DMXL2: variants seen among roughly 807,000 people sequenced by gnomAD.
DMXL2 encodes the protein dmX-like protein 2.
In DMXL2, 103 loss-of-function variants were observed where a neutral mutation model predicts 331.1. The ratio of observed to expected loss-of-function variants is 0.31; its 90% CI spans 0.27 to 0.37. The LOEUF is 0.37. Among genes scored for constraint, DMXL2 ranks in the 10% least tolerant of loss-of-function variants. The probability of loss-of-function intolerance (pLI) is 1.00; values close to 1 mark genes in which losing one functional copy is unlikely to be tolerated. For synonymous variants in DMXL2, 1,281 were observed against 1,252.1 expected (o/e 1.02, Z -0.49); for missense variants, 3,171 against 3,642.9 (o/e 0.87, Z 3.33).
chr15:51,596,964 T>C (rs2052864130), intron 1 of DMXL2, among the ~76,000 whole-genome samples: 1 of 152,124 alleles, frequency 6.6e-6, no homozygotes, highest in Admixed American at 6.6e-5. Flanking sequence ...GAGATATACC[T>C]AATGTTAAAT....
At chr15:51,533,938 T>A (rs977663506) in intron 13 of DMXL2, among the ~76,000 whole-genome samples, 1 of 152,158 alleles carries the variant, frequency 6.6e-6, no homozygotes, top group African/African-American at 2.4e-5. Flanking sequence ...TTAAATAACA[T>A]AATCCAGATT....
At position 51,569,665 on chromosome 15, in the gene DMXL2, C is replaced by T. The variant is rs576758855; in HGVS notation, c.214-1107G>A. On this transcript the variant is annotated intron_variant, in intron 2 of 43. Transcript: ENST00000560891. The stretch of plus-strand genomic sequence containing the variant: ...GCAATCTTTGTTGTTCCGCAGCCTC[C>T]GCTGGTGATACCCAGGCAAACAGGG... Among the ~76,000 whole-genome samples, 9 of 152,310 alleles carry T rather than the reference C, an allele frequency of 5.9e-5. No individual in the cohort carries two copies. In the South Asian group the frequency reaches 6.2e-4, roughly 11 times the overall value.
chr15:51,540,437 T>C (rs2048526270), intron 9 of DMXL2, among the ~76,000 whole-genome samples: 1 of 152,154 alleles, frequency 6.6e-6, no homozygotes, highest in South Asian at 2.1e-4. Flanking sequence ...TTAGGGTATA[T>C]TTAGGGTATT....
chr15:51,570,165 G>A (rs945029239), intron 2 of DMXL2, among the ~76,000 whole-genome samples: 7 of 151,776 alleles, frequency 4.6e-5, no homozygotes, highest in Non-Finnish European at 1.0e-4. Flanking sequence ...ATCAATAGCC[G>A]AACTGATCAA....
intron 16 of DMXL2, among the ~76,000 whole-genome samples, chr15:51,506,639 G>A (rs996834630): frequency 6.6e-6 from 1 of 151,938 alleles, no homozygotes; most frequent in South Asian, 2.1e-4. Context: ...ATTTTTAGTA[G>A]AGACAGGGTT....
At chr15:51,516,864 G>A (rs920021913) in intron 14 of DMXL2, among the ~76,000 whole-genome samples, 4 of 152,038 alleles carry the variant, frequency 2.6e-5, no homozygotes, top group East Asian at 1.9e-4. Flanking sequence ...ATAGCTTAGC[G>A]CCCACTTATA....
intron 6 of DMXL2, among the ~76,000 whole-genome samples, chr15:51,547,766 T>C (rs1468070441): frequency 6.6e-6 from 1 of 152,124 alleles, no homozygotes; most frequent in Non-Finnish European, 1.5e-5. Flanking sequence ...TTTCAGTCAT[T>C]GTTATCCTTT....
intron 1 of DMXL2, among the ~76,000 whole-genome samples, chr15:51,594,065 C>G (rs2052600883): frequency 6.6e-6 from 1 of 152,094 alleles, no homozygotes. Flanking sequence ...TAACTAAGAT[C>G]AGAGCAGAAC....
chr15:51,547,532 C>T (rs1013028903), intron 6 of DMXL2, 124 bp from the exon 7 acceptor site: 1 of 536,806 alleles, frequency 1.9e-6, no homozygotes, highest in African/African-American at 2.0e-5. Context: ...ATACATAATA[C>T]AAAACTTATC....
intron 16 of DMXL2, among the ~76,000 whole-genome samples, chr15:51,506,688 C>T (rs972991286): frequency 6.6e-6 from 1 of 151,722 alleles, no homozygotes; most frequent in African/African-American, 2.4e-5. Flanking sequence ...CTCCTGACCT[C>T]GTGATCCGCC....
At chr15:51,558,382 T>C (rs1360467822) in intron 6 of DMXL2, among the ~76,000 whole-genome samples, 8 of 152,174 alleles carry the variant, frequency 5.3e-5, no homozygotes, top group Non-Finnish European at 1.2e-4. Flanking sequence ...CCCAAAGGCA[T>C]CATGAACCTT....
intron 1 of DMXL2, 97 bp downstream of exon 1, chr15:51,622,362 C>T: frequency 6.7e-7 from 1 of 1,497,036 alleles, no homozygotes; most frequent in South Asian, 1.2e-5. Flanking sequence ...ACCAACATCT[C>T]ACAGCCTCCT....
At chr15:51,591,376 G>A (rs1022935966) in intron 1 of DMXL2, among the ~76,000 whole-genome samples, 10 of 152,290 alleles carry the variant, frequency 6.6e-5, no homozygotes, top group South Asian at 4.2e-4. Context: ...GTGGCAGTGC[G>A]GCTGGGGGAG....
intron 33 of DMXL2, 145 bp from the exon 34 acceptor site, chr15:51,459,805 G>GAAT: frequency 8.4e-7 from 1 of 1,194,700 alleles, no homozygotes; most frequent in Non-Finnish European, 1.1e-6. Context: ...AAATTAAACC[G>GAAT]AATAAAACAG....
intron 8 of DMXL2, 88 bp from the exon 9 acceptor site, chr15:51,542,595 A>T: frequency 9.9e-7 from 1 of 1,012,664 alleles, no homozygotes. Flanking sequence ...GAGGTTTAAG[A>T]TTTTTTTCTC....
At chr15:51,603,923 T>A (rs753130420) in intron 1 of DMXL2, among the ~76,000 whole-genome samples, 12 of 149,864 alleles carry the variant, frequency 8.0e-5, no homozygotes, top group Non-Finnish European at 1.2e-4. Context: ...AGTATTACAA[T>A]GATACCAAAA....
At chr15:51,493,859 A>G (rs1257431376) in intron 19 of DMXL2, among the ~76,000 whole-genome samples, 1 of 152,204 alleles carries the variant, frequency 6.6e-6, no homozygotes, top group East Asian at 1.9e-4. Flanking sequence ...GTTAATATCA[A>G]ATGTGGGCAA....
At chr15:51,474,286 T>G in intron 28 of DMXL2, 58 bp downstream of exon 28, 2 of 1,496,612 alleles carry the variant, frequency 1.3e-6, no homozygotes. Flanking sequence ...TTAAAAAAAA[T>G]TTTAACATTC....
chr15:51,504,397 G>C (rs931494440), intron 16 of DMXL2, among the ~76,000 whole-genome samples: 5 of 152,212 alleles, frequency 3.3e-5, no homozygotes, highest in African/African-American at 4.8e-5. Context: ...GATAGTATTA[G>C]TTGACAGCCT....
Sources: gnomAD v4.1 joint callset for allele counts (sites outside exome capture counted in the v4.1 genomes callset) on GRCh38, gnomAD v4.1.1 for gene constraint, MANE v1.5 for transcripts, NCBI Gene and HGNC (gene_info 2026-07-23, HGNC 2026-07-21) for gene names.